EXOC6B: variants seen among roughly 807,000 people sequenced by gnomAD.
EXOC6B encodes exocyst complex component 6B.
In EXOC6B, 54 loss-of-function variants were observed where a neutral mutation model predicts 113.5. The observed-to-expected ratio is 0.48, with a 90% CI of 0.38 to 0.60. EXOC6B has a LOEUF of 0.60. EXOC6B is among the 20% of genes least tolerant of loss of function. The pLI, the probability that EXOC6B is intolerant of heterozygous loss-of-function variation, is 0.00. For synonymous variants in EXOC6B, 357 were observed against 339.0 expected (o/e 1.05, Z -0.58); for missense variants, 797 against 977.5 (o/e 0.82, Z 2.46).
intron 18 of EXOC6B, among the ~76,000 whole-genome samples, chr2:72,415,354 T>A (rs548173132): frequency 1.4e-5 from 2 of 146,932 alleles, no homozygotes; most frequent in African/African-American, 2.6e-5. Context: ...AAAAAAAAAA[T>A]ACAGTGATTA....
At chr2:72,369,911 G>T (rs934064602) in intron 19 of EXOC6B, among the ~76,000 whole-genome samples, 1 of 152,108 alleles carries the variant, frequency 6.6e-6, no homozygotes, top group Non-Finnish European at 1.5e-5. Context: ...AAAAACCCTA[G>T]AAGAAAACCT....
intron 15 of EXOC6B, among the ~76,000 whole-genome samples, chr2:72,492,788 T>G (rs1699819013): frequency 6.6e-6 from 1 of 152,104 alleles, no homozygotes; most frequent in African/African-American, 2.4e-5. Context: ...TTTTTATTTT[T>G]GGGAATGCCT....
intron 1 of EXOC6B, among the ~76,000 whole-genome samples, chr2:72,750,624 G>C (rs1018062502): frequency 6.6e-6 from 1 of 152,148 alleles, no homozygotes; most frequent in African/African-American, 2.4e-5. Context: ...TCTGGTGTTA[G>C]CTCTGGGTGA....
intron 19 of EXOC6B, among the ~76,000 whole-genome samples, chr2:72,339,186 C>T (rs1403719566): frequency 1.3e-5 from 2 of 152,032 alleles, no homozygotes; most frequent in Non-Finnish European, 2.9e-5. Context: ...GATGCATCCA[C>T]AAATTGATTA....
intron 6 of EXOC6B, among the ~76,000 whole-genome samples, chr2:72,636,034 T>C (rs1025484672): frequency 1.3e-5 from 2 of 152,048 alleles, no homozygotes; most frequent in African/African-American, 4.8e-5. Flanking sequence ...CTAAGCAACA[T>C]AGGCTTAGGC....
intron 20 of EXOC6B, among the ~76,000 whole-genome samples, chr2:72,302,205 GT>G (rs1199403476): frequency 6.6e-6 from 1 of 152,160 alleles, no homozygotes; most frequent in Non-Finnish European, 1.5e-5. Flanking sequence ...CCAAGAGTGT[GT>G]TTGGTATGAT....
At chr2:72,445,779 T>A (rs182119104) in intron 18 of EXOC6B, among the ~76,000 whole-genome samples, 39 of 152,226 alleles carry the variant, frequency 2.6e-4, no homozygotes, top group Admixed American at 2.5e-3. Flanking sequence ...CAAGATGAGA[T>A]TTGGGTGGGG....
At chr2:72,783,512 T>C (rs916331315) in intron 1 of EXOC6B, among the ~76,000 whole-genome samples, 3 of 151,786 alleles carry the variant, frequency 2.0e-5, no homozygotes, top group African/African-American at 7.2e-5. Flanking sequence ...TTAGTAGAGA[T>C]GGGGTTTCAC....
chr2:72,440,124 T>C (rs1696113272), intron 18 of EXOC6B, among the ~76,000 whole-genome samples: 1 of 152,152 alleles, frequency 6.6e-6, no homozygotes, highest in African/African-American at 2.4e-5. Context: ...CTGAAGACAC[T>C]GTTGGGAGGT....
At chr2:72,719,021 T>C (rs1014206542) in intron 5 of EXOC6B, among the ~76,000 whole-genome samples, 1 of 152,182 alleles carries the variant, frequency 6.6e-6, no homozygotes, top group Non-Finnish European at 1.5e-5. Context: ...ATTTCAGGGT[T>C]CTGGAAACTA....
In EXOC6B at chr2:72,477,548, T is replaced by G. The variant is rs550777191; in HGVS notation, c.1800+3068A>C. ...CCCCTTTTATTAAATTACAATATAT[T>G]TATTTCCACATAAAAACCAGTATCA... On this transcript the variant is annotated intron_variant, in intron 17 of 21. Transcript: ENST00000272427. Among the ~76,000 whole-genome samples, 10 of 152,332 alleles carry G rather than the reference T, an allele frequency of 6.6e-5. No individual in the cohort carries two copies. The South Asian group carries it at 1.9e-3, about 28-fold the overall frequency.
rs1553371308 is a variant in EXOC6B at position 72,307,161 on chromosome 2, G to GTTTTTTTTTTTTTTTTTTTTTTTTTTTT, written c.2196+27785_2196+27786insAAAAAAAAAAAAAAAAAAAAAAAAAAAA. 1.2e-4 allele frequency among the ~76,000 whole-genome samples: 15 copies of GTTTTTTTTTTTTTTTTTTTTTTTTTTTT among 128,494 alleles called. 3 individuals carry two copies. The highest frequency in any genetic ancestry group is 5.3e-4 in the African/African-American group (14 of 26,202). The allele number at this position is 128,494 out of a possible 152,430, so 84.3% of individuals were successfully genotyped here. Reference sequence around the variant, plus strand: ...TCCATGACTGCAATGGTATAGTCCAGTTTTTTTTTTTTTGAGACGGAGTCT... The same window carrying GTTTTTTTTTTTTTTTTTTTTTTTTTTTT: ...TCCATGACTGCAATGGTATAGTCCAGTTTTTTTTTTTTTTTTTTTTTTTTTTTTTTTTTTTTTTTTTGAGACGGAGTCT... On this transcript the variant is annotated intron_variant, in intron 20 of 21. Transcript: ENST00000272427.
At chr2:72,506,555 C>A (rs1170883644) in intron 11 of EXOC6B, among the ~76,000 whole-genome samples, 1 of 152,128 alleles carries the variant, frequency 6.6e-6, no homozygotes, top group African/African-American at 2.4e-5. Flanking sequence ...TAATTCCTTA[C>A]TATCCTTATT....
chr2:72,504,893 T>C (rs1032482531), intron 11 of EXOC6B, among the ~76,000 whole-genome samples: 6 of 152,160 alleles, frequency 3.9e-5, no homozygotes, highest in Admixed American at 6.5e-5. Flanking sequence ...CCCAGCCAGG[T>C]GGATTCCTTC....
chr2:72,685,670 C>T (rs1045223941), intron 6 of EXOC6B, among the ~76,000 whole-genome samples: 3 of 152,176 alleles, frequency 2.0e-5, no homozygotes, highest in Admixed American at 2.0e-4. Flanking sequence ...GAAGTACCTT[C>T]TAACAAAAAC....
chr2:72,318,529 G>C (rs1687659681), intron 20 of EXOC6B, among the ~76,000 whole-genome samples: 1 of 152,060 alleles, frequency 6.6e-6, no homozygotes, highest in South Asian at 2.1e-4. Flanking sequence ...GAGTAGCTGG[G>C]ACTACAGGTG....
chr2:72,399,860 A>G (rs1340277595), intron 18 of EXOC6B, among the ~76,000 whole-genome samples: 2 of 152,190 alleles, frequency 1.3e-5, no homozygotes, highest in African/African-American at 4.8e-5. Context: ...ATACTGCCCA[A>G]AGCAATCTAC....
At chr2:72,671,569 G>T (rs1320361680) in intron 6 of EXOC6B, among the ~76,000 whole-genome samples, 2 of 151,852 alleles carry the variant, frequency 1.3e-5, no homozygotes, top group African/African-American at 4.8e-5. Context: ...GTGGTGGTGG[G>T]TGCCTGTAAT....
At chr2:72,423,985 T>C (rs551783991) in intron 18 of EXOC6B, among the ~76,000 whole-genome samples, 2 of 152,370 alleles carry the variant, frequency 1.3e-5, no homozygotes, top group South Asian at 2.1e-4. Flanking sequence ...CACTGTTGAA[T>C]TGCATTTGCT....
Sources: gnomAD v4.1 joint callset for allele counts (sites outside exome capture counted in the v4.1 genomes callset) on GRCh38, gnomAD v4.1.1 for gene constraint, MANE v1.5 for transcripts, NCBI Gene and HGNC (gene_info 2026-07-23, HGNC 2026-07-21) for gene names.